Variants in ATP8A2 observed in about 807,000 individuals in gnomAD.
The protein encoded by ATP8A2 is phospholipid-transporting ATPase IB.
Under a neutral mutation model 165.6 loss-of-function variants are expected in ATP8A2, and 100 were observed. The observed-to-expected ratio is 0.60, with a 90% CI of 0.51 to 0.71. ATP8A2 has a LOEUF of 0.71. Among genes scored for constraint, ATP8A2 ranks in the 30% least tolerant of loss-of-function variants. The pLI is 0.00. For synonymous variants in ATP8A2, 543 were observed against 548.8 expected, an observed-to-expected ratio of 0.99 and a Z score of 0.15; for missense variants, 1,227 against 1,479.5, an observed-to-expected ratio of 0.83 and a Z score of 2.80.
intron 23 of ATP8A2, among the ~76,000 whole-genome samples, chr13:25,588,527 A>G (rs1401146669): frequency 1.3e-5 from 2 of 152,098 alleles, no homozygotes; most frequent in Non-Finnish European, 2.9e-5. Context: ...TCCTGTGAGG[A>G]GAATCCTTAC....
intron 33 of ATP8A2, among the ~76,000 whole-genome samples, chr13:25,884,228 G>A (rs1222363346): frequency 6.6e-6 from 1 of 152,176 alleles, no homozygotes; most frequent in Non-Finnish European, 1.5e-5. Context: ...AGTTACATGG[G>A]TCTCTGTTCC....
chr13:25,661,182 C>A lies in ATP8A2; in HGVS notation c.2212-37991C>A, dbSNP rs549559928. ...AAGGATATTGTGATGCACAGGTGCT[C>A]TGACCCAGGAACACAGCCTGGCCTG... On this transcript the variant is annotated intron_variant, in intron 24 of 36. Transcript: ENST00000381655. 8.5e-4 allele frequency among the ~76,000 whole-genome samples: 129 copies of A among 152,300 alleles called. 1 individual carries two copies. Among genetic ancestry groups the A allele is most frequent in the Non-Finnish European group, 1.4e-3 (92 of 68,024 alleles).
intron 24 of ATP8A2, among the ~76,000 whole-genome samples, chr13:25,640,854 A>G (rs2041501065): frequency 6.6e-6 from 1 of 152,246 alleles, no homozygotes; most frequent in South Asian, 2.1e-4. Context: ...AAAAATCCTC[A>G]ATAAAATACT....
At chr13:25,651,925 C>T (rs781776117) in intron 24 of ATP8A2, among the ~76,000 whole-genome samples, 90 of 151,796 alleles carry the variant, frequency 5.9e-4, no homozygotes, top group Admixed American at 2.0e-3. Flanking sequence ...TTAGAATCAT[C>T]CTTTATTTAG....
intron 25 of ATP8A2, among the ~76,000 whole-genome samples, chr13:25,746,025 C>T (rs886112135): frequency 6.6e-6 from 1 of 152,184 alleles, no homozygotes; most frequent in African/African-American, 2.4e-5. Context: ...GCTGACTTCT[C>T]GTTGATCTGC....
At chr13:25,394,960 C>A (rs2033370941) in intron 1 of ATP8A2, among the ~76,000 whole-genome samples, 1 of 152,162 alleles carries the variant, frequency 6.6e-6, no homozygotes, top group African/African-American at 2.4e-5. Context: ...GAAGCCTTCC[C>A]TTTTCCTTTG....
chr13:25,904,847 G>A (rs1223746197), intron 33 of ATP8A2, among the ~76,000 whole-genome samples: 5 of 152,200 alleles, frequency 3.3e-5, no homozygotes, highest in South Asian at 4.1e-4. Flanking sequence ...AACATTCAGC[G>A]AATAATCACA....
chr13:25,492,659 A>G (rs759423575), intron 2 of ATP8A2, among the ~76,000 whole-genome samples: 3 of 152,190 alleles, frequency 2.0e-5, no homozygotes, highest in Non-Finnish European at 4.4e-5. Flanking sequence ...TCAGTTTCCT[A>G]CTGTGTGAAG....
chr13:25,845,286 G>A (rs144462893), intron 30 of ATP8A2, among the ~76,000 whole-genome samples: 3 of 152,250 alleles, frequency 2.0e-5, no homozygotes, highest in African/African-American at 4.8e-5. Flanking sequence ...ATGTCCAGTC[G>A]GCAGAGTTGA....
At chr13:25,379,549 G>A (rs2032761312) in intron 1 of ATP8A2, among the ~76,000 whole-genome samples, 1 of 152,150 alleles carries the variant, frequency 6.6e-6, no homozygotes, top group Non-Finnish European at 1.5e-5. Context: ...GCTATTTTTA[G>A]TCACATAATG....
rs143393127 is a variant in ATP8A2, at chr13:25,390,763, C to T, written c.76+18475C>T. Among the ~76,000 whole-genome samples the T allele has an allele frequency of 6.1e-3, 930 of 152,132 alleles. 49 individuals carry two copies. In the East Asian group the frequency reaches 0.13, roughly 21 times the overall value. On this transcript the variant is annotated intron_variant, in intron 1 of 36. Transcript: ENST00000381655. ...AGGCCATCATGGTGAAACCCTTTCT[C>T]TACTAAAAATACAAAACTTAGCTGG...
intron 1 of ATP8A2, among the ~76,000 whole-genome samples, chr13:25,390,962 C>A (rs1477723192): frequency 6.6e-6 from 1 of 151,962 alleles, no homozygotes; most frequent in Non-Finnish European, 1.5e-5. Flanking sequence ...TGCCACATAT[C>A]TCAGTGGTTT....
At chr13:25,987,251 G>A (rs1261867971) in intron 35 of ATP8A2, among the ~76,000 whole-genome samples, 1 of 152,206 alleles carries the variant, frequency 6.6e-6, no homozygotes, top group Non-Finnish European at 1.5e-5. Flanking sequence ...GGTACCAAGA[G>A]TAAGGTAATT....
At chr13:26,012,795 C>G (rs891073349) in intron 36 of ATP8A2, among the ~76,000 whole-genome samples, 173 bp downstream of exon 36, 1 of 151,964 alleles carries the variant, frequency 6.6e-6, no homozygotes, top group African/African-American at 2.4e-5. Flanking sequence ...GCCCCAGGAA[C>G]GTGCAGCTTG....
At chr13:25,871,127 G>A in intron 33 of ATP8A2, 1 of 329,616 alleles carries the variant, frequency 3.0e-6, no homozygotes, top group Non-Finnish European at 5.9e-6. Flanking sequence ...TTTTTCTTCA[G>A]AGGTTTTGTT....
chr13:25,977,204 G>A (rs907898651), intron 35 of ATP8A2, among the ~76,000 whole-genome samples: 29 of 151,796 alleles, frequency 1.9e-4, no homozygotes, highest in Non-Finnish European at 4.4e-5. Context: ...TATGGTCTAT[G>A]AAAAAATTAA....
intron 2 of ATP8A2, among the ~76,000 whole-genome samples, chr13:25,509,922 T>G (rs9581364): frequency 0.54 from 82,684 of 152,058 alleles, 23,728 homozygotes; most frequent in Middle Eastern, 0.66. Context: ...TTAGATAATT[T>G]ATGAAGAACT....
chr13:26,016,344 C>T (rs1956973401), intron 36 of ATP8A2, among the ~76,000 whole-genome samples: 1 of 152,196 alleles, frequency 6.6e-6, no homozygotes, highest in Admixed American at 6.5e-5. Context: ...CTCTTCTCTG[C>T]CTGTCTCTTC....
chr13:25,715,154 C>T (rs1410976704), intron 25 of ATP8A2, among the ~76,000 whole-genome samples: 1 of 152,056 alleles, frequency 6.6e-6, no homozygotes, highest in Non-Finnish European at 1.5e-5. Context: ...TGAGCAACTA[C>T]TATGTGTATG....
Sources: gnomAD v4.1 joint callset for allele counts (sites outside exome capture counted in the v4.1 genomes callset) on GRCh38, gnomAD v4.1.1 for gene constraint, MANE v1.5 for transcripts, NCBI Gene and HGNC (gene_info 2026-07-23, HGNC 2026-07-21) for gene names.